Variants in PDSS2 observed in about 807,000 individuals in gnomAD.
PDSS2 encodes the protein all trans-polyprenyl-diphosphate synthase PDSS2.
PDSS2 carries 31 observed loss-of-function variants against 44.5 expected under a neutral mutation model. The observed-to-expected ratio is 0.70, with a 90% CI of 0.52 to 0.94. PDSS2 has a LOEUF of 0.94. Among genes scored for constraint, PDSS2 ranks in the 40% least tolerant of loss-of-function variants. PDSS2 has a pLI of 0.00. For synonymous variants in PDSS2, 157 were observed against 180.3 expected (o/e 0.87, Z 1.03); for missense variants, 452 against 482.2 (o/e 0.94, Z 0.59).
At chr6:107,289,691 G>A (rs1262921919) in intron 2 of PDSS2, among the ~76,000 whole-genome samples, 1 of 152,110 alleles carries the variant, frequency 6.6e-6, no homozygotes, top group Non-Finnish European at 1.5e-5. Context: ...ATGAAACCCT[G>A]TCTCAAAAAC....
At chr6:107,436,231 A>G (rs1433944781) in intron 1 of PDSS2, among the ~76,000 whole-genome samples, 1 of 152,212 alleles carries the variant, frequency 6.6e-6, no homozygotes, top group Non-Finnish European at 1.5e-5. Flanking sequence ...AAGGGAGACA[A>G]ATCTTGGCCC....
At chr6:107,205,058 A>G (rs1233019087) in intron 6 of PDSS2, among the ~76,000 whole-genome samples, 3 of 152,230 alleles carry the variant, frequency 2.0e-5, no homozygotes, top group African/African-American at 7.2e-5. Flanking sequence ...GAAGAGTATC[A>G]CATGTGTTAT....
chr6:107,217,232 T>C lies in PDSS2; in HGVS notation c.703-4950A>G, dbSNP rs547401464. Among the ~76,000 whole-genome samples, 162 of 152,284 alleles carry C rather than the reference T, an allele frequency of 1.1e-3. 1 individual carries two copies. Among genetic ancestry groups the C allele is most frequent in the African/African-American group, 3.7e-3 (152 of 41,548 alleles). ...GCAAAGATGTCTATATCCTAATCCC[T>C]GGAAGCTATGAATGTTACCTTACAA... is the stretch of plus-strand genomic sequence containing the variant. On this transcript the variant is annotated intron_variant, in intron 4 of 7. Transcript: ENST00000369037.
At chr6:107,422,569 A>T (rs959629980) in intron 1 of PDSS2, among the ~76,000 whole-genome samples, 21 of 152,026 alleles carry the variant, frequency 1.4e-4, no homozygotes, top group African/African-American at 3.6e-4. Context: ...AAAAACATTT[A>T]AAAAAAAGAG....
chr6:107,174,231 T>A (rs782253841), intron 7 of PDSS2, among the ~76,000 whole-genome samples: 2 of 152,186 alleles, frequency 1.3e-5, no homozygotes, highest in Non-Finnish European at 2.9e-5. Context: ...TCTTCAAATA[T>A]CTGAAGTAAT....
At chr6:107,240,348 C>T (rs112639337) in intron 4 of PDSS2, among the ~76,000 whole-genome samples, 138 of 151,370 alleles carry the variant, frequency 9.1e-4, no homozygotes, top group African/African-American at 3.3e-3. Flanking sequence ...TTTCAGTGAG[C>T]TAGGATGACA....
chr6:107,376,624 G>C (rs1779293711), intron 1 of PDSS2, among the ~76,000 whole-genome samples: 1 of 152,160 alleles, frequency 6.6e-6, no homozygotes, highest in South Asian at 2.1e-4. Context: ...CTGAGACTTT[G>C]CTGAAGTTGC....
At chr6:107,306,445 C>A (rs1776862142) in intron 2 of PDSS2, among the ~76,000 whole-genome samples, 1 of 152,174 alleles carries the variant, frequency 6.6e-6, no homozygotes, top group African/African-American at 2.4e-5. Context: ...TCCCCAGCCA[C>A]GTGGAACTGT....
chr6:107,451,597 G>A (rs1221266376), intron 1 of PDSS2, among the ~76,000 whole-genome samples: 1 of 152,084 alleles, frequency 6.6e-6, no homozygotes, highest in Non-Finnish European at 1.5e-5. Context: ...ATCTCAAGCA[G>A]CAGAGCATAT....
At chr6:107,424,120 C>T (rs899144941) in intron 1 of PDSS2, among the ~76,000 whole-genome samples, 1 of 147,444 alleles carries the variant, frequency 6.8e-6, no homozygotes, top group Non-Finnish European at 1.5e-5. Flanking sequence ...CGGCTCACTG[C>T]AGCCTTGACC....
intron 3 of PDSS2, among the ~76,000 whole-genome samples, chr6:107,252,257 C>CA (rs1192859761): frequency 6.6e-6 from 1 of 152,216 alleles, no homozygotes; most frequent in African/African-American, 2.4e-5. Context: ...TTCTTCCTAT[C>CA]AAACTAGGAC....
At chr6:107,246,530 T>C (rs1774621028) in intron 3 of PDSS2, among the ~76,000 whole-genome samples, 1 of 152,182 alleles carries the variant, frequency 6.6e-6, no homozygotes, top group African/African-American at 2.4e-5. Flanking sequence ...TCAGCTCCAT[T>C]CTGATTGAAT....
At chr6:107,295,588 G>A (rs977470943) in intron 2 of PDSS2, among the ~76,000 whole-genome samples, 4 of 152,120 alleles carry the variant, frequency 2.6e-5, no homozygotes, top group South Asian at 2.1e-4. Flanking sequence ...ATTTTATATG[G>A]AGATAACTTA....
chr6:107,245,779 C>A (rs1264632345), intron 3 of PDSS2, among the ~76,000 whole-genome samples, 160 bp from the exon 4 acceptor site: 3 of 152,084 alleles, frequency 2.0e-5, no homozygotes, highest in Non-Finnish European at 2.9e-5. Context: ...CATTGCCCAC[C>A]TGGATATTAA....
chr6:107,325,026 C>T (rs1562462828), intron 2 of PDSS2, among the ~76,000 whole-genome samples: 2 of 151,910 alleles, frequency 1.3e-5, no homozygotes, highest in South Asian at 4.2e-4. Flanking sequence ...AGACCAAGTG[C>T]AATTCCCTAA....
intron 3 of PDSS2, among the ~76,000 whole-genome samples, chr6:107,261,913 T>C (rs56327457): frequency 0.42 from 58,615 of 139,028 alleles, 13,314 homozygotes; most frequent in Middle Eastern, 0.62. Flanking sequence ...TTTTCTTTTT[T>C]TTTTTTTTTT....
intron 3 of PDSS2, among the ~76,000 whole-genome samples, chr6:107,248,806 G>T (rs989714499): frequency 1.3e-5 from 2 of 152,176 alleles, no homozygotes; most frequent in African/African-American, 4.8e-5. Context: ...GAACATCTTT[G>T]CTCATGTAAT....
chr6:107,280,741 T>C (rs1775935691), intron 2 of PDSS2, among the ~76,000 whole-genome samples: 1 of 152,228 alleles, frequency 6.6e-6, no homozygotes, highest in Admixed American at 6.5e-5. Flanking sequence ...TTGAAATCTC[T>C]TCAAATGTTT....
intron 7 of PDSS2, among the ~76,000 whole-genome samples, chr6:107,183,207 T>TA (rs5878908): frequency 5.0e-4 from 68 of 136,290 alleles, no homozygotes; most frequent in African/African-American, 8.2e-4. Context: ...CAAGACTGTC[T>TA]AAAAAAAAAA....
Sources: allele counts gnomAD v4.1 joint callset (sites outside exome capture counted in the v4.1 genomes callset), GRCh38; gene constraint gnomAD v4.1.1; transcripts MANE v1.5; gene names NCBI Gene and HGNC (gene_info 2026-07-23, HGNC 2026-07-21).